Variants in AGBL1 observed in about 807,000 individuals in gnomAD.
The protein encoded by AGBL1 is AGBL carboxypeptidase 1, also known as cytosolic carboxypeptidase 4.
In AGBL1, 130 loss-of-function variants were observed where a neutral mutation model predicts 118.9. That is an observed-to-expected ratio of 1.09 (90% CI 0.95 to 1.26). The LOEUF is 1.26. Among genes scored for constraint, AGBL1 ranks in the 50% most tolerant of loss-of-function variants. The pLI is 0.00. For synonymous variants in AGBL1, 555 were observed against 478.9 expected (o/e 1.16, Z -2.08); for missense variants, 1,584 against 1,298.1 (o/e 1.22, Z -3.38).
chr15:86,595,402 G>T (rs921391774), intron 21 of AGBL1, among the ~76,000 whole-genome samples: 1 of 152,114 alleles, frequency 6.6e-6, no homozygotes, highest in Non-Finnish European at 1.5e-5. Flanking sequence ...AAGTTCAGTT[G>T]CTGTCAGTTC....
At chr15:86,298,076 A>C (rs1489444964) in intron 17 of AGBL1, among the ~76,000 whole-genome samples, 1 of 151,596 alleles carries the variant, frequency 6.6e-6, no homozygotes, top group Non-Finnish European at 1.5e-5. Flanking sequence ...TGAATGCTTC[A>C]GATACTGTGG....
chr15:86,257,915 C>T (rs2078922224), intron 8 of AGBL1, 49 bp from the exon 9 acceptor site: 2 of 1,583,684 alleles, frequency 1.3e-6, no homozygotes, highest in Non-Finnish European at 1.7e-6. Flanking sequence ...ATCCTAAATC[C>T]CGGGCAAAGG....
chr15:86,563,477 T>A (rs989033734), intron 21 of AGBL1, among the ~76,000 whole-genome samples: 1 of 152,018 alleles, frequency 6.6e-6, no homozygotes, highest in African/African-American at 2.4e-5. Context: ...TAATCCTGAG[T>A]TCTTGTTTGA....
chr15:86,273,673 G>A (rs939027980), intron 15 of AGBL1, among the ~76,000 whole-genome samples: 15 of 152,054 alleles, frequency 9.9e-5, no homozygotes, highest in Non-Finnish European at 2.2e-4. Flanking sequence ...ATATTAATTT[G>A]GGAGAACTTT....
intron 24 of AGBL1, among the ~76,000 whole-genome samples, chr15:86,999,124 G>T (rs1311866276): frequency 2.0e-5 from 3 of 149,212 alleles, no homozygotes; most frequent in African/African-American, 7.4e-5. Flanking sequence ...TTCGTCCTTC[G>T]ATAGTTTGCT....
rs1596180454 is a variant in AGBL1 at position 86,488,708 on chromosome 15, C to A, written c.2556-34102C>A. Among the ~76,000 whole-genome samples, 3 of 152,042 alleles carry A rather than the reference C, an allele frequency of 2.0e-5. No homozygotes were observed. In the South Asian group the frequency reaches 6.2e-4, roughly 32 times the overall value. ...CCCTACATATATACATACCTGTCCT[C>A]CTTGCTTCAAACAGCTCCTACAACT... is the stretch of plus-strand genomic sequence containing the variant. On this transcript the variant is annotated intron_variant, in intron 18 of 22. Coordinates refer to ENST00000614907, the MANE Select transcript of AGBL1 (RefSeq NM_001386094.1).
intron 22 of AGBL1, among the ~76,000 whole-genome samples, chr15:86,841,981 C>G (rs2218957): frequency 0.18 from 27,409 of 151,978 alleles, 2,642 homozygotes; most frequent in Admixed American, 0.27. Context: ...GTGGAATAAA[C>G]CAATTAACAG....
chr15:86,096,339 A>G (rs945538244), intron 1 of AGBL1, among the ~76,000 whole-genome samples: 3 of 152,168 alleles, frequency 2.0e-5, no homozygotes, highest in Non-Finnish European at 4.4e-5. Flanking sequence ...AATAACTGAG[A>G]CTTGAACGGA....
intron 5 of AGBL1, among the ~76,000 whole-genome samples, chr15:86,212,016 G>C (rs918210885): frequency 2.0e-5 from 3 of 152,056 alleles, no homozygotes; most frequent in Non-Finnish European, 4.4e-5. Context: ...TGGAATTCTT[G>C]TTTATTTTCT....
intron 22 of AGBL1, among the ~76,000 whole-genome samples, chr15:86,714,615 G>A (rs1376694600): frequency 2.0e-5 from 3 of 152,198 alleles, no homozygotes; most frequent in Non-Finnish European, 4.4e-5. Context: ...CTGAATGCCA[G>A]CATAACCTTT....
chr15:86,799,772 G>C (rs1423502354), intron 22 of AGBL1, among the ~76,000 whole-genome samples: 3 of 152,094 alleles, frequency 2.0e-5, no homozygotes, highest in Non-Finnish European at 4.4e-5. Context: ...AAAAGTTCTA[G>C]GGAATTGCAT....
At chr15:86,466,681 T>C (rs1596149989) in intron 18 of AGBL1, among the ~76,000 whole-genome samples, 1 of 152,242 alleles carries the variant, frequency 6.6e-6, no homozygotes, top group Non-Finnish European at 1.5e-5. Context: ...AGTTTTTGTG[T>C]GGTCGTCCTT....
At chr15:86,758,865 C>A (rs1198867355) in intron 22 of AGBL1, among the ~76,000 whole-genome samples, 3 of 148,146 alleles carry the variant, frequency 2.0e-5, no homozygotes, top group Non-Finnish European at 4.4e-5. Context: ...CCCAGCTACT[C>A]AGGAGGCTGA....
chr15:87,021,800 G>A (rs969313648), intron 24 of AGBL1, among the ~76,000 whole-genome samples: 6 of 152,220 alleles, frequency 3.9e-5, no homozygotes, highest in Non-Finnish European at 8.8e-5. Flanking sequence ...AGCATGTGGA[G>A]GCTTGCATTA....
chr15:86,227,409 T>A (rs1056885873), intron 6 of AGBL1, among the ~76,000 whole-genome samples: 2 of 152,288 alleles, frequency 1.3e-5, no homozygotes, highest in African/African-American at 4.8e-5. Context: ...GTATCAGGGT[T>A]TCTCAATGTA....
At chr15:86,920,572 C>T (rs2080473226), downstream of AGBL1, among the ~76,000 whole-genome samples, 2 of 152,118 alleles carry the variant, frequency 1.3e-5, no homozygotes, top group African/African-American at 4.8e-5. Flanking sequence ...TTTTGCTTAC[C>T]ACAAACAGTA....
chr15:86,620,810 CTT>C (rs941331399), intron 21 of AGBL1, among the ~76,000 whole-genome samples: 1 of 147,246 alleles, frequency 6.8e-6, no homozygotes, highest in Non-Finnish European at 1.5e-5. Context: ...ATATTAGCTC[CTT>C]TTTTTTTTTC....
intron 5 of AGBL1, among the ~76,000 whole-genome samples, chr15:86,217,078 C>T (rs964872150): frequency 1.7e-4 from 26 of 152,234 alleles, no homozygotes; most frequent in Admixed American, 7.9e-4. Flanking sequence ...CATTCCTCTA[C>T]AGCTGATCTC....
chr15:86,619,100 C>T (rs889072594), intron 21 of AGBL1, among the ~76,000 whole-genome samples: 4 of 152,060 alleles, frequency 2.6e-5, no homozygotes, highest in African/African-American at 9.7e-5. Flanking sequence ...CCTCTTTATT[C>T]ACTCATTCAT....
Sources: gnomAD v4.1 joint callset for allele counts (sites outside exome capture counted in the v4.1 genomes callset) on GRCh38, gnomAD v4.1.1 for gene constraint, MANE v1.5 for transcripts, NCBI Gene and HGNC (gene_info 2026-07-23, HGNC 2026-07-21) for gene names.